Variants in IL1RAPL1 observed in about 807,000 individuals in gnomAD.
IL1RAPL1 encodes the protein interleukin 1 receptor accessory protein like 1.
IL1RAPL1 carries 3 observed loss-of-function variants against 48.4 expected under a neutral mutation model. The observed-to-expected ratio is 0.06, with a 90% CI of 0.03 to 0.16. The LOEUF (loss-of-function observed/expected upper bound fraction) is 0.16, where lower values mean the gene tolerates loss of function less well. Among genes scored for constraint, IL1RAPL1 ranks in the 10% least tolerant of loss-of-function variants. IL1RAPL1 has a pLI of 1.00. For missense variants in IL1RAPL1, 349 were observed against 530.6 expected, an observed-to-expected ratio of 0.66 and a Z score of 3.36; for synonymous variants, 185 against 187.7, an observed-to-expected ratio of 0.99 and a Z score of 0.12.
intron 3 of IL1RAPL1, among the ~76,000 whole-genome samples, chrX:29,304,147 C>G (rs1932580806): frequency 1.8e-5 from 2 of 110,924 alleles, no homozygotes; most frequent in South Asian, 7.6e-4. Flanking sequence ...TACTAATTAT[C>G]TTATGGAAAA....
chrX:28,695,420 T>G (rs1478430093), intron 1 of IL1RAPL1, among the ~76,000 whole-genome samples: 1 of 111,181 alleles, frequency 9.0e-6, no homozygotes, highest in Non-Finnish European at 1.9e-5. Flanking sequence ...CACACTAAAT[T>G]AACACCCCAT....
At chrX:29,076,796 C>T (rs1927682716) in intron 2 of IL1RAPL1, among the ~76,000 whole-genome samples, 1 of 73,031 alleles carries the variant, frequency 1.4e-5, no homozygotes, top group Admixed American at 1.6e-4. Flanking sequence ...GTCTGTCTGT[C>T]TGTCTGTCTA....
At chrX:28,726,483 T>C (rs1041986107) in intron 1 of IL1RAPL1, among the ~76,000 whole-genome samples, 1 of 112,491 alleles carries the variant, frequency 8.9e-6, no homozygotes, top group African/African-American at 3.2e-5. Context: ...CCAATATTTT[T>C]GTAGTGACTG....
chrX:29,554,812 G>A (rs1921937292), intron 5 of IL1RAPL1, among the ~76,000 whole-genome samples: 1 of 111,735 alleles, frequency 8.9e-6, no homozygotes, highest in Non-Finnish European at 1.9e-5. Context: ...TGCACTTACT[G>A]TAATACTGTG....
At chrX:29,704,409 C>A (rs974290550) in intron 6 of IL1RAPL1, among the ~76,000 whole-genome samples, 13 of 111,692 alleles carry the variant, frequency 1.2e-4, no homozygotes, top group Admixed American at 2.9e-4. Context: ...TGGCTCACGC[C>A]TGTAATCCCA....
intron 3 of IL1RAPL1, among the ~76,000 whole-genome samples, chrX:29,323,423 C>A (rs1404029746): frequency 9.3e-6 from 1 of 107,170 alleles, no homozygotes; most frequent in Non-Finnish European, 1.9e-5. Context: ...GCACTTGACA[C>A]TGTTCATTAC....
chrX:29,750,152 C>T (rs1928424395), intron 6 of IL1RAPL1, among the ~76,000 whole-genome samples: 1 of 112,157 alleles, frequency 8.9e-6, no homozygotes, highest in Non-Finnish European at 1.9e-5. Context: ...ATTATCTTTT[C>T]TTTCTTAGAA....
intron 2 of IL1RAPL1, among the ~76,000 whole-genome samples, chrX:29,230,509 A>AAAAAAAAAAAAAAAC (rs1931173573): frequency 1.4e-5 from 1 of 71,435 alleles, no homozygotes; most frequent in Non-Finnish European, 2.4e-5. Context: ...TTTACCAAAA[A>AAAAAAAAAAAAAAAC]AAAAAAAAAA....
chrX:28,805,055 C>G (rs1302757056), intron 2 of IL1RAPL1, among the ~76,000 whole-genome samples: 1 of 110,449 alleles, frequency 9.1e-6, no homozygotes, highest in Non-Finnish European at 1.9e-5. Flanking sequence ...GAAATTGCAG[C>G]AGAGCTTAGT....
chrX:29,393,801 G>C (rs764012738), intron 3 of IL1RAPL1, among the ~76,000 whole-genome samples: 8 of 108,942 alleles, frequency 7.3e-5, no homozygotes, highest in Non-Finnish European at 1.5e-4. Context: ...ATATTTGAAT[G>C]TGCCCTAAAA....
At chrX:29,821,404 C>T (rs372612634) in intron 6 of IL1RAPL1, among the ~76,000 whole-genome samples, 125 of 110,669 alleles carry the variant, frequency 1.1e-3, no homozygotes, top group African/African-American at 3.9e-3. Context: ...GAGCCAAGAT[C>T]ACACCACTGC....
chrX:29,803,409 A>G (rs921153457), intron 6 of IL1RAPL1, among the ~76,000 whole-genome samples: 1 of 95,059 alleles, frequency 1.1e-5, no homozygotes, highest in Non-Finnish European at 2.1e-5. Context: ...ATATATGTGT[A>G]TATGTGTATA....
chrX:29,145,207 A>G (rs935300799), intron 2 of IL1RAPL1, among the ~76,000 whole-genome samples: 2 of 112,028 alleles, frequency 1.8e-5, no homozygotes, highest in African/African-American at 6.5e-5. Flanking sequence ...GAAAATCAGT[A>G]AAGACTATGC....
chrX:29,452,003 C>A (rs747139774), intron 5 of IL1RAPL1, among the ~76,000 whole-genome samples: 2 of 110,290 alleles, frequency 1.8e-5, no homozygotes, highest in African/African-American at 6.6e-5. Context: ...AAACACTTGT[C>A]GTGGAAAAAG....
At chrX:29,699,088 T>C (rs1926988503) in intron 6 of IL1RAPL1, among the ~76,000 whole-genome samples, 1 of 112,551 alleles carries the variant, frequency 8.9e-6, no homozygotes, top group South Asian at 3.7e-4. Flanking sequence ...TCATCTTTTT[T>C]AACAGGTAAT....
At chrX:29,935,182 A>C (rs529903867) in intron 8 of IL1RAPL1, among the ~76,000 whole-genome samples, 106 of 108,898 alleles carry the variant, frequency 9.7e-4, no homozygotes, top group African/African-American at 3.3e-3. Flanking sequence ...GGTGGGGGGG[A>C]TGATATCAAG....
At chrX:28,970,187 A>C (rs968413158) in intron 2 of IL1RAPL1, among the ~76,000 whole-genome samples, 5 of 111,833 alleles carry the variant, frequency 4.5e-5, no homozygotes, top group South Asian at 3.7e-4. Context: ...TTTGTAGTAC[A>C]GATGGGGTTT....
At chrX:29,638,849 C>T (rs1352210278) in intron 5 of IL1RAPL1, among the ~76,000 whole-genome samples, 1 of 112,335 alleles carries the variant, frequency 8.9e-6, no homozygotes, top group African/African-American at 3.2e-5. Context: ...GCTACTTACA[C>T]TAACAGGATT....
At chrX:28,989,922 A>G (rs1173116101) in intron 2 of IL1RAPL1, among the ~76,000 whole-genome samples, 1 of 112,008 alleles carries the variant, frequency 8.9e-6, no homozygotes, top group Non-Finnish European at 1.9e-5. Flanking sequence ...TATGTTAAAT[A>G]GTTACGAAAA....
Sources: gnomAD v4.1 joint callset for allele counts (sites outside exome capture counted in the v4.1 genomes callset) on GRCh38, gnomAD v4.1.1 for gene constraint, MANE v1.5 for transcripts, NCBI Gene and HGNC (gene_info 2026-07-23, HGNC 2026-07-21) for gene names.